PGBD5: variants seen among roughly 807,000 people sequenced by gnomAD.
PGBD5 encodes piggyBac transposable element-derived protein 5.
PGBD5 carries 14 observed loss-of-function variants against 47.9 expected under a neutral mutation model. The observed-to-expected ratio is 0.29, with a 90% CI of 0.19 to 0.46. The LOEUF is 0.46. PGBD5 is among the 20% of genes least tolerant of loss of function. The pLI is 1.00. For synonymous variants in PGBD5, 316 were observed against 306.3 expected (o/e 1.03, Z -0.33); for missense variants, 635 against 716.0 (o/e 0.89, Z 1.29).
In PGBD5 at chr1:230,323,740, A is replaced by G; in HGVS notation, c.1380-120T>C. 1 of 963,960 alleles carries G rather than the reference A, an allele frequency of 1.0e-6. No homozygotes were observed. Among genetic ancestry groups the G allele is most frequent in the Non-Finnish European group, 1.5e-6 (1 of 649,768 alleles). 59.7% of individuals were successfully genotyped at this position (963,960 alleles called of 1,614,324 possible). On this transcript the variant is annotated intron_variant, in intron 6 of 6. Coordinates refer to ENST00000391860, the MANE Select transcript of PGBD5 (RefSeq NM_001258311.2). This position sits in a 1 kb window ranked among gnomAD's most constrained non-coding sequence, Gnocchi z 4.1. ...CTGCAGGTTCGCCCCCGACAGAAGC[A>G]GGAGGGCTATGGGGGCAGGAGTCAG... is the stretch of plus-strand genomic sequence containing the variant.
At chr1:230,396,267 TTTTTACCCCCACACTCTTCCC>T (rs1558210814) in intron 1 of PGBD5, among the ~76,000 whole-genome samples, 28 of 5,446 alleles carry the variant, frequency 5.1e-3, no homozygotes, top group African/African-American at 9.0e-3. Context: ...ACACTCCTCC[TTTTTACCCCCACACTCTTCCC>T]TTTTACCCCC....
rs1013416395 is a variant in PGBD5, at chr1:230,363,315, C to T, written c.332-5994G>A. ...GGATGGCTTTGGCCAGGCATGGTGG[C>T]TCATGCCTGTAATCCCAGTACTTTA... On this transcript the variant is annotated intron_variant, in intron 1 of 6. Transcript: ENST00000391860. Among the ~76,000 whole-genome samples the T allele has an allele frequency of 4.6e-5, 7 of 152,326 alleles. No individual in the cohort carries two copies. The South Asian group carries it at 8.3e-4, about 18-fold the overall frequency.
rs1156838615 is a variant in PGBD5, at chr1:230,383,786, C to T, written c.332-26465G>A. 2.6e-5 allele frequency among the ~76,000 whole-genome samples: 4 copies of T among 152,340 alleles called. No individual in the cohort carries two copies. In the East Asian group the frequency reaches 7.7e-4, roughly 29 times the overall value. ...AGGGGCCTGAGCCCCATGAGCTTTGCCTGGCTTTTGCCTCTATTTCTGGCT... is the reference window on the plus strand; with the variant it reads ...AGGGGCCTGAGCCCCATGAGCTTTGTCTGGCTTTTGCCTCTATTTCTGGCT... On this transcript the variant is annotated intron_variant, in intron 1 of 6. Transcript: ENST00000391860.
intron 5 of PGBD5, among the ~76,000 whole-genome samples, chr1:230,330,579 G>C (rs1053506890): frequency 6.6e-6 from 1 of 152,176 alleles, no homozygotes; most frequent in African/African-American, 2.4e-5. Context: ...GATTTCCTGG[G>C]GAGGAGCAGC....
At chr1:230,355,954 G>A (rs1021049613) in intron 2 of PGBD5, among the ~76,000 whole-genome samples, 2 of 152,206 alleles carry the variant, frequency 1.3e-5, no homozygotes, top group African/African-American at 4.8e-5. Flanking sequence ...GTGAGGGGAA[G>A]GCACGCTATA....
At chr1:230,369,334 GAC>G (rs947242755) in intron 1 of PGBD5, among the ~76,000 whole-genome samples, 3 of 152,250 alleles carry the variant, frequency 2.0e-5, no homozygotes, top group Admixed American at 1.3e-4. Flanking sequence ...ACACCTATAA[GAC>G]AGGCTCATGG....
intron 1 of PGBD5, among the ~76,000 whole-genome samples, chr1:230,366,578 T>C (rs2820378): frequency 0.63 from 95,933 of 152,082 alleles, 31,681 homozygotes; most frequent in Non-Finnish European, 0.74. Context: ...AAGCTGAGGT[T>C]CTGGACCAGG....
chr1:230,397,064 G>A (rs534367510), intron 1 of PGBD5, among the ~76,000 whole-genome samples: 6 of 152,260 alleles, frequency 3.9e-5, no homozygotes, highest in East Asian at 3.9e-4. Flanking sequence ...GGTTTATGCC[G>A]AATCCTCGGC....
intron 1 of PGBD5, among the ~76,000 whole-genome samples, chr1:230,376,265 TCC>T (rs1199297061): frequency 6.6e-6 from 1 of 152,142 alleles, no homozygotes; most frequent in East Asian, 1.9e-4. Flanking sequence ...GCTCCCTGCC[TCC>T]CATCAAACCT....
At chr1:230,384,906 A>G (rs1656597935) in intron 1 of PGBD5, among the ~76,000 whole-genome samples, 1 of 152,204 alleles carries the variant, frequency 6.6e-6, no homozygotes, top group African/African-American at 2.4e-5. Context: ...CTGACTTCTT[A>G]GCTGCTGTGT....
rs970327316 is a variant in PGBD5 at position 230,318,626 on chromosome 1, T to A, written c.*4799A>T. On this transcript the variant is annotated 3_prime_UTR_variant, in exon 7 of 7. Transcript: ENST00000391860. ...AGCCAAAGCTTGGCAAGCCCTCGCT[T>A]AAGGAAGAGGGACCAGAACCACAAA... The A allele has an allele frequency of 6.6e-6, 1 of 152,180 alleles. No homozygotes were observed. 9.4% of individuals were successfully genotyped at this position (152,180 alleles called of 1,614,324 possible).
At chr1:230,342,936 C>G (rs564617196) in intron 3 of PGBD5, among the ~76,000 whole-genome samples, 1 of 152,298 alleles carries the variant, frequency 6.6e-6, no homozygotes, top group African/African-American at 2.4e-5. Flanking sequence ...TCAACAGTCA[C>G]ATGAGGCTAG....
chr1:230,335,690 G>A (rs200164196), intron 4 of PGBD5, among the ~76,000 whole-genome samples: 7 of 6,122 alleles, frequency 1.1e-3, no homozygotes, highest in African/African-American at 2.6e-3. Flanking sequence ...CAGACACACA[G>A]ACACATACAC....
At chr1:230,389,787 T>G (rs1449542644) in intron 1 of PGBD5, among the ~76,000 whole-genome samples, 1 of 152,220 alleles carries the variant, frequency 6.6e-6, no homozygotes, top group African/African-American at 2.4e-5. Context: ...TTATGCCAAC[T>G]GGTCAACAGC....
intron 1 of PGBD5, among the ~76,000 whole-genome samples, chr1:230,422,240 T>C (rs751398381): frequency 1.3e-5 from 2 of 152,124 alleles, no homozygotes; most frequent in Non-Finnish European, 2.9e-5. Context: ...ACGAGAGCCC[T>C]TGAGCATCTG....
intron 1 of PGBD5, among the ~76,000 whole-genome samples, chr1:230,363,067 C>T (rs1477979924): frequency 1.3e-5 from 2 of 152,188 alleles, no homozygotes; most frequent in African/African-American, 4.8e-5. Context: ...GACACACAAC[C>T]TCTCTGCATC....
intron 5 of PGBD5, among the ~76,000 whole-genome samples, chr1:230,329,134 T>A (rs1389817368): frequency 7.0e-6 from 1 of 142,662 alleles, no homozygotes; most frequent in South Asian, 2.2e-4. Flanking sequence ...GGGGGGGAGG[T>A]GGTATTTTTT....
At chr1:230,385,771 G>T (rs1171421337) in intron 1 of PGBD5, among the ~76,000 whole-genome samples, 1 of 151,834 alleles carries the variant, frequency 6.6e-6, no homozygotes, top group Non-Finnish European at 1.5e-5. Context: ...ACCTGATTTT[G>T]CCCCCATTTC....
At chr1:230,417,961 G>T (rs987725529) in intron 1 of PGBD5, among the ~76,000 whole-genome samples, 6 of 152,090 alleles carry the variant, frequency 3.9e-5, no homozygotes, top group Non-Finnish European at 5.9e-5. Context: ...TGGTGCTTTT[G>T]CCCCCCCAGG....
Sources: gnomAD v4.1 joint callset for allele counts (sites outside exome capture counted in the v4.1 genomes callset) on GRCh38, gnomAD v4.1.1 for gene constraint, Gnocchi (gnomAD v3.1) non-coding constraint, MANE v1.5 for transcripts, NCBI Gene and HGNC (gene_info 2026-07-23, HGNC 2026-07-21) for gene names.